The following PLCH2 variants were observed in gnomAD, a reference collection of about 807,000 sequenced individuals.
PLCH2 encodes 1-phosphatidylinositol 4,5-bisphosphate phosphodiesterase eta-2.
PLCH2 carries 98 observed loss-of-function variants against 134.7 expected under a neutral mutation model. The observed-to-expected ratio is 0.73, with a 90% CI of 0.62 to 0.86. PLCH2 has a LOEUF of 0.86. Among genes scored for constraint, PLCH2 ranks in the 40% least tolerant of loss-of-function variants. The probability of loss-of-function intolerance (pLI) is 0.00; values close to 1 mark genes in which losing one functional copy is unlikely to be tolerated. For missense variants in PLCH2, 1,994 were observed against 1,986.6 expected (o/e 1.00, Z -0.07); for synonymous variants, 974 against 827.5 (o/e 1.18, Z -3.04).
At chr1:2,468,411 G>A (rs988932839) in intron 1 of PLCH2, among the ~76,000 whole-genome samples, 1 of 152,262 alleles carries the variant, frequency 6.6e-6, no homozygotes, top group African/African-American at 2.4e-5. Context: ...GAAGCCCCGG[G>A]GCTGTTCACA....
Position 2,498,375 on chromosome 1 carries a change from C to T in PLCH2, c.2225-148C>T, listed in dbSNP as rs1643011156. On this transcript the variant is annotated intron_variant, in intron 16 of 21. Coordinates refer to ENST00000378486, the MANE Select transcript of PLCH2 (RefSeq NM_014638.4). The surrounding 1 kb of genome is among the most constrained non-coding windows in gnomAD (Gnocchi z 5.4). ...GGCCAGGTGCACCCCGAGGTGCCCCCCTGGACCACTGCCTCCCTCCCTCCC... is the reference window on the plus strand; with the variant it reads ...GGCCAGGTGCACCCCGAGGTGCCCCTCTGGACCACTGCCTCCCTCCCTCCC... The T allele has an allele frequency of 3.5e-6, 3 of 846,262 alleles. No individual in the cohort carries two copies. The highest frequency in any genetic ancestry group is 5.4e-6 in the Non-Finnish European group (3 of 553,156). The allele number at this position is 846,262 out of a possible 1,614,324, so 52.4% of individuals were successfully genotyped here.
rs1642560074 is a variant in PLCH2, at chr1:2,491,213, G to A, written c.1537G>A (p.Val513Ile). 1.2e-6 allele frequency: 2 copies of A among 1,612,808 alleles called. No homozygotes were observed. Among genetic ancestry groups the A allele is most frequent in the African/African-American group, 2.7e-5 (2 of 74,940 alleles). Reference sequence around the variant, plus strand: ...GCAGGCATCCACCAATCGAAAGCGTGTAGAAAACACTGCTAAGAGGAAACT... The same window carrying A: ...GCAGGCATCCACCAATCGAAAGCGTATAGAAAACACTGCTAAGAGGAAACT... ...NGDASTNRKR[V>I]ENTAKRKLDS... Residue 513 changes from valine (V) to isoleucine (I), a missense_variant, in exon 11 of 22, where the codon GTA (valine) becomes ATA (isoleucine). By Grantham distance (29) the Val-to-Ile change is conservative. Coordinates refer to ENST00000378486, the MANE Select transcript of PLCH2 (RefSeq NM_014638.4).
rs751318866 is a variant in PLCH2 at position 2,504,570 on chromosome 1, A to T, written c.3608A>T (p.Asn1203Ile). 5 of 1,612,656 alleles carry T rather than the reference A, an allele frequency of 3.1e-6. No homozygotes were observed. In the South Asian group the frequency reaches 5.5e-5, roughly 18 times the overall value. ...DLPPVTKSKS[N>I]PNLRATGQRP... ...CCACCTGTGACCAAGAGCAAATCCA[A>T]CCCCAACCTTCGGGCTACAGGCCAG... The change falls in exon 22 of 22, where the codon AAC becomes ATC. Residue 1203 changes from asparagine to isoleucine, a missense_variant. Transcript: ENST00000378486.
chr1:2,498,359 C>T lies in PLCH2; in HGVS notation c.2225-164C>T, dbSNP rs1388150548. 1.5e-5 allele frequency: 10 copies of T among 686,082 alleles called. No homozygotes were observed. Among genetic ancestry groups the T allele is most frequent in the East Asian group, 1.1e-4 (4 of 36,548 alleles). 42.5% of individuals were successfully genotyped at this position (686,082 alleles called of 1,614,324 possible). On this transcript the variant is annotated intron_variant, in intron 16 of 21. Coordinates refer to ENST00000378486, the MANE Select transcript of PLCH2 (RefSeq NM_014638.4). This position sits in a 1 kb window ranked among gnomAD's most constrained non-coding sequence, Gnocchi z 5.4. Reference sequence around the variant, plus strand: ...AAGGTGATCCATACTGGGCCAGGTGCACCCCGAGGTGCCCCCCTGGACCAC... The same window carrying T: ...AAGGTGATCCATACTGGGCCAGGTGTACCCCGAGGTGCCCCCCTGGACCAC...
chr1:2,494,702 C>T (rs944681768), intron 11 of PLCH2, among the ~76,000 whole-genome samples, 154 bp from the exon 12 acceptor site: 1 of 152,132 alleles, frequency 6.6e-6, no homozygotes, highest in Non-Finnish European at 1.5e-5. Context: ...CAACCTGTCC[C>T]CGCCCTGCCC....
At chr1:2,457,653 C>T (rs1253737961) in intron 2 of PLCH2, among the ~76,000 whole-genome samples, 1 of 152,044 alleles carries the variant, frequency 6.6e-6, no homozygotes, top group Non-Finnish European at 1.5e-5. Context: ...GGGAGGACTC[C>T]CTGAAGGAAG....
intron 19 of PLCH2, among the ~76,000 whole-genome samples, 152 bp from the exon 20 acceptor site, chr1:2,499,489 G>A (rs985186126): frequency 1.3e-5 from 2 of 152,080 alleles, no homozygotes; most frequent in Non-Finnish European, 2.9e-5. Context: ...AGGAGGTGGG[G>A]TAGTGCTGGG....
intron 21 of PLCH2, chr1:2,503,191 CG>C: frequency 1.7e-6 from 1 of 600,504 alleles, no homozygotes; most frequent in Non-Finnish European, 3.0e-6. Flanking sequence ...GGTCTGGGGC[CG>C]GGACTGTGGC....
chr1:2,460,429 G>A (rs1186256768), intron 2 of PLCH2, among the ~76,000 whole-genome samples: 1 of 152,254 alleles, frequency 6.6e-6, no homozygotes, highest in Non-Finnish European at 1.5e-5. Flanking sequence ...GAACAGGTGG[G>A]CTGGAGACAG....
chr1:2,477,325 A>C, intron 1 of PLCH2, among the ~76,000 whole-genome samples: 2 of 150,412 alleles, frequency 1.3e-5, no homozygotes, highest in Non-Finnish European at 1.5e-5. Context: ...CTGCGTCTTC[A>C]CCTCCCATGT....
At chr1:2,449,631 C>A (rs139260444) in intron 2 of PLCH2, among the ~76,000 whole-genome samples, 9 of 152,346 alleles carry the variant, frequency 5.9e-5, no homozygotes, top group Non-Finnish European at 1.0e-4. Context: ...CTGGGTGGGG[C>A]AGCTCTGCCC....
intron 5 of PLCH2, 66 bp from the exon 6 acceptor site, chr1:2,486,841 G>A: frequency 8.1e-7 from 1 of 1,232,018 alleles, no homozygotes; most frequent in Non-Finnish European, 1.2e-6. Context: ...GGTGATGGGG[G>A]AGCTGCCTGA....
Position 2,503,904 on chromosome 1 carries a change from TC to T in PLCH2, c.2960-13del. On this transcript the variant is annotated splice_polypyrimidine_tract_variant and intron_variant, in intron 21 of 21. Coordinates refer to ENST00000378486, the MANE Select transcript of PLCH2 (RefSeq NM_014638.4). ...GCTTCTCCCTCTGGCTCTCTCTCAC[TC>T]CCCCACCTCCCCACAGACACCCGCC... 1 of 694,068 alleles carries T rather than the reference TC, an allele frequency of 1.4e-6. No individual in the cohort carries two copies. Among genetic ancestry groups the T allele is most frequent in the Non-Finnish European group, 2.6e-6 (1 of 391,104 alleles). The allele number at this position is 694,068 out of a possible 1,614,324, so 43.0% of individuals were successfully genotyped here. A position where few individuals can be genotyped will look rare whatever the true frequency, so the allele number is the denominator to read the frequency against.
intron 2 of PLCH2, among the ~76,000 whole-genome samples, chr1:2,436,140 ATCCCTTCCTCCCTGCTCCCTCC>A (rs1418380389): frequency 2.3e-3 from 71 of 31,340 alleles, no homozygotes; most frequent in Admixed American, 7.4e-3. Context: ...CTGCTCCCTC[ATCCCTTCCTCCCTGCTCCCTCC>A]TCCCTTCCTC....
chr1:2,424,077 T>A (rs1332548949), upstream of PLCH2, among the ~76,000 whole-genome samples: 1 of 152,212 alleles, frequency 6.6e-6, no homozygotes, highest in Admixed American at 6.5e-5. Flanking sequence ...TTTTTAAAAG[T>A]ATATATTTGA....
chr1:2,429,378 T>C (rs1032843853), intron 1 of PLCH2, among the ~76,000 whole-genome samples: 2 of 151,908 alleles, frequency 1.3e-5, no homozygotes, highest in Non-Finnish European at 2.9e-5. Context: ...GTTAATCCCC[T>C]CCCCAGGGAG....
At chr1:2,489,630 A>T (rs1414879957) in intron 9 of PLCH2, 130 bp from the exon 10 acceptor site, 14 of 791,674 alleles carry the variant, frequency 1.8e-5, no homozygotes, top group Non-Finnish European at 2.5e-5. Flanking sequence ...CCCCTGCCCC[A>T]TGGCTGAGAT....
chr1:2,491,004 C>T (rs971513545), intron 10 of PLCH2, among the ~76,000 whole-genome samples, 188 bp from the exon 11 acceptor site: 3 of 152,244 alleles, frequency 2.0e-5, no homozygotes, highest in Non-Finnish European at 4.4e-5. Flanking sequence ...TGGGCAGACT[C>T]GTGCTGCTGG....
chr1:2,498,863 T>C lies in PLCH2; in HGVS notation c.2434+35T>C. On this transcript the variant is annotated intron_variant, in intron 18 of 21. Transcript: ENST00000378486. This position sits in a 1 kb window ranked among gnomAD's most constrained non-coding sequence, Gnocchi z 5.4. ...GGCCGTGGCTCCGTCACACCTGTGA[T>C]GGAAGTCTGAGGGGGGAGGGTTGGG... 1 of 1,525,326 alleles carries C rather than the reference T, an allele frequency of 6.6e-7. No individual in the cohort carries two copies. The highest frequency in any genetic ancestry group is 9.0e-7 in the Non-Finnish European group (1 of 1,107,746). 94.5% of individuals were successfully genotyped at this position (1,525,326 alleles called of 1,614,324 possible). A position where few individuals can be genotyped will look rare whatever the true frequency, so the allele number is the denominator to read the frequency against.
Sources: allele counts gnomAD v4.1 joint callset (sites outside exome capture counted in the v4.1 genomes callset), GRCh38; gene constraint gnomAD v4.1.1; non-coding constraint Gnocchi (gnomAD v3.1); transcripts MANE v1.5; gene names NCBI Gene and HGNC (gene_info 2026-07-23, HGNC 2026-07-21).